C1QTNF7: variants seen among roughly 807,000 people sequenced by gnomAD.
C1QTNF7 encodes complement C1q tumor necrosis factor-related protein 7.
C1QTNF7 carries 15 observed loss-of-function variants against 19.6 expected under a neutral mutation model. The ratio of observed to expected loss-of-function variants is 0.76; its 90% CI spans 0.51 to 1.18. The LOEUF is 1.18. C1QTNF7 is among the 50% of genes most tolerant of loss of function. C1QTNF7 has a pLI of 0.00. For missense variants in C1QTNF7, 324 were observed against 359.7 expected (o/e 0.90, Z 0.80); for synonymous variants, 142 against 137.5 (o/e 1.03, Z -0.23).
chr4:15,341,356 C>T (rs1300415455), intron 1 of C1QTNF7, among the ~76,000 whole-genome samples: 1 of 152,158 alleles, frequency 6.6e-6, no homozygotes, highest in Non-Finnish European at 1.5e-5. Flanking sequence ...TGCCTTCTTG[C>T]TATACCAGTT....
At chr4:15,369,360 T>C (rs1228792832) in intron 1 of C1QTNF7, among the ~76,000 whole-genome samples, 1 of 152,214 alleles carries the variant, frequency 6.6e-6, no homozygotes, top group East Asian at 1.9e-4. Context: ...TATTTTGATA[T>C]ATAGGAAGGC....
chr4:15,434,270 A>G (rs916724454), intron 1 of C1QTNF7, among the ~76,000 whole-genome samples: 1 of 152,168 alleles, frequency 6.6e-6, no homozygotes, highest in African/African-American at 2.4e-5. Context: ...TCTAGGAATC[A>G]GCTTACTTCA....
upstream of C1QTNF7, among the ~76,000 whole-genome samples, chr4:15,424,740 T>G (rs1711958770): frequency 6.6e-6 from 1 of 152,210 alleles, no homozygotes; most frequent in East Asian, 1.9e-4. Flanking sequence ...TTTCTGAATT[T>G]CTAGCTTTCT....
At chr4:15,423,592 C>G (rs1711891171), upstream of C1QTNF7, among the ~76,000 whole-genome samples, 1 of 152,206 alleles carries the variant, frequency 6.6e-6, no homozygotes, top group Non-Finnish European at 1.5e-5. Flanking sequence ...ATCCCACTCA[C>G]AGCCCTTCTG....
intron 1 of C1QTNF7, among the ~76,000 whole-genome samples, chr4:15,377,615 C>A (rs1717987521): frequency 6.6e-6 from 1 of 152,102 alleles, no homozygotes. Flanking sequence ...CAGATATAAG[C>A]CAACAGGGGA....
intron 1 of C1QTNF7, among the ~76,000 whole-genome samples, chr4:15,430,744 G>A (rs1712268227): frequency 1.3e-5 from 2 of 152,162 alleles, no homozygotes; most frequent in Admixed American, 1.3e-4. Flanking sequence ...TGGGTAAAGA[G>A]TGGATTATTC....
At chr4:15,355,105 C>T (rs182753333) in intron 1 of C1QTNF7, among the ~76,000 whole-genome samples, 1 of 152,218 alleles carries the variant, frequency 6.6e-6, no homozygotes, top group East Asian at 1.9e-4. Flanking sequence ...GACAAGCTTG[C>T]TCAGTTGCAG....
chr4:15,363,157 T>C, intron 1 of C1QTNF7, among the ~76,000 whole-genome samples: 1 of 152,214 alleles, frequency 6.6e-6, no homozygotes, highest in East Asian at 1.9e-4. Flanking sequence ...ATGGTATTTT[T>C]TTATCTTAAG....
rs995295844 is a variant in C1QTNF7 at position 15,445,928 on chromosome 4, A to G, written c.*3129A>G. ...AGAAGAAATGGGAAAAACAAAAAAA[A>G]AAGAAAATAATGAGGCTAATATAAT... On this transcript the variant is annotated 3_prime_UTR_variant, in exon 3 of 3. Transcript: ENST00000444304. 2 of 152,224 alleles carry G rather than the reference A, an allele frequency of 1.3e-5. No individual in the cohort carries two copies. Among genetic ancestry groups the G allele is most frequent in the Non-Finnish European group, 2.9e-5 (2 of 68,034 alleles). The allele number at this position is 152,224 out of a possible 1,614,324, so 9.4% of individuals were successfully genotyped here.
intron 1 of C1QTNF7, among the ~76,000 whole-genome samples, chr4:15,373,261 G>A (rs1216850048): frequency 2.0e-5 from 3 of 152,092 alleles, no homozygotes; most frequent in East Asian, 3.9e-4. Context: ...TGACAGAAGG[G>A]TAGAGGGCAA....
intron 1 of C1QTNF7, among the ~76,000 whole-genome samples, chr4:15,380,278 G>A (rs965271647): frequency 2.0e-5 from 3 of 152,190 alleles, no homozygotes; most frequent in African/African-American, 7.2e-5. Context: ...TATTATGCAG[G>A]AGGTTTATTT....
chr4:15,357,896 G>T (rs1717202196), intron 1 of C1QTNF7, among the ~76,000 whole-genome samples: 1 of 152,014 alleles, frequency 6.6e-6, no homozygotes, highest in African/African-American at 2.4e-5. Flanking sequence ...GTCTATTATT[G>T]GTATATAGGA....
chr4:15,440,821 A>C (rs1712730530), intron 2 of C1QTNF7, among the ~76,000 whole-genome samples: 1 of 151,554 alleles, frequency 6.6e-6, no homozygotes, highest in Non-Finnish European at 1.5e-5. Flanking sequence ...AGCCCTCGCT[A>C]TGTGCCAGAT....
chr4:15,349,881 G>T (rs1360671579), intron 1 of C1QTNF7, among the ~76,000 whole-genome samples: 1 of 152,048 alleles, frequency 6.6e-6, no homozygotes, highest in Non-Finnish European at 1.5e-5. Context: ...CATAAGGAAG[G>T]CAATTTATAG....
At chr4:15,431,883 C>T (rs983616443) in intron 1 of C1QTNF7, among the ~76,000 whole-genome samples, 4 of 151,916 alleles carry the variant, frequency 2.6e-5, no homozygotes, top group Admixed American at 6.6e-5. Flanking sequence ...GTGAAAAGTA[C>T]AATAAAGAAT....
chr4:15,361,843 A>G (rs1415027974), intron 1 of C1QTNF7, among the ~76,000 whole-genome samples: 2 of 152,198 alleles, frequency 1.3e-5, no homozygotes, highest in East Asian at 3.9e-4. Context: ...TGAAAAGCCA[A>G]AAGGATCTTT....
chr4:15,441,925 G>A (rs1712774071), intron 2 of C1QTNF7, among the ~76,000 whole-genome samples: 1 of 152,062 alleles, frequency 6.6e-6, no homozygotes, highest in African/African-American at 2.4e-5. Flanking sequence ...GGAGGCTGAG[G>A]CAGGAGAATT....
intron 1 of C1QTNF7, among the ~76,000 whole-genome samples, chr4:15,391,424 G>A (rs529548114): frequency 1.1e-4 from 17 of 152,162 alleles, no homozygotes; most frequent in African/African-American, 2.9e-4. Flanking sequence ...TGAACTGTAC[G>A]TTTTGAGAGA....
At chr4:15,379,179 C>A (rs1345838438) in intron 1 of C1QTNF7, among the ~76,000 whole-genome samples, 1 of 152,024 alleles carries the variant, frequency 6.6e-6, no homozygotes, top group East Asian at 1.9e-4. Flanking sequence ...TTTTTGTAAA[C>A]AAGTTCCCGA....
Sources: allele counts gnomAD v4.1 joint callset (sites outside exome capture counted in the v4.1 genomes callset), GRCh38; gene constraint gnomAD v4.1.1; transcripts MANE v1.5; gene names NCBI Gene and HGNC (gene_info 2026-07-23, HGNC 2026-07-21).